The following EYA3 variants were observed in gnomAD, a reference collection of about 807,000 sequenced individuals.
EYA3 encodes the protein protein phosphatase EYA3.
In EYA3, 39 loss-of-function variants were observed where a neutral mutation model predicts 80.0. The ratio of observed to expected loss-of-function variants is 0.49; its 90% CI spans 0.38 to 0.64. The LOEUF (loss-of-function observed/expected upper bound fraction) is 0.64. EYA3 is among the 30% of genes least tolerant of loss of function. EYA3 has a pLI of 0.00. For synonymous variants in EYA3, 206 were observed against 232.8 expected (o/e 0.88, Z 1.05); for missense variants, 523 against 676.1 (o/e 0.77, Z 2.51).
At chr1:27,998,691 C>T (rs894045604) in intron 12 of EYA3, among the ~76,000 whole-genome samples, 7 of 143,616 alleles carry the variant, frequency 4.9e-5, no homozygotes, top group Non-Finnish European at 7.6e-5. Flanking sequence ...CTGGGCAATA[C>T]AGTGAAACCC....
intron 1 of EYA3, among the ~76,000 whole-genome samples, chr1:28,081,498 T>C (rs1645426994): frequency 6.6e-6 from 1 of 152,194 alleles, no homozygotes; most frequent in African/African-American, 2.4e-5. Flanking sequence ...TTATAAGATA[T>C]TTAGGTACTA....
chr1:28,075,078 T>C (rs773539961), intron 1 of EYA3, among the ~76,000 whole-genome samples: 51 of 152,320 alleles, frequency 3.3e-4, no homozygotes, highest in Admixed American at 1.9e-3. Context: ...CCTTTCACAT[T>C]CAGCCAAGCA....
intron 1 of EYA3, among the ~76,000 whole-genome samples, chr1:28,075,746 G>C (rs1168084106): frequency 6.6e-6 from 1 of 152,062 alleles, no homozygotes; most frequent in East Asian, 1.9e-4. Flanking sequence ...CTTCATATTT[G>C]TTTACCTGGA....
At chr1:28,071,042 C>T (rs1645003338) in intron 1 of EYA3, among the ~76,000 whole-genome samples, 1 of 152,212 alleles carries the variant, frequency 6.6e-6, no homozygotes, top group Admixed American at 6.5e-5. Flanking sequence ...CCTACTTCAG[C>T]CTCAGGAGTA....
chr1:28,073,103 T>TTATATATATATATATATATATATATATA (rs201041762), intron 1 of EYA3, among the ~76,000 whole-genome samples: 7 of 37,750 alleles, frequency 1.9e-4, no homozygotes, highest in East Asian at 2.9e-3. Flanking sequence ...GATGAAACTA[T>TTATATATATATATATATATATATATATA]TATATATATA....
At chr1:27,993,326 T>G (rs1448874180) in intron 14 of EYA3, 74 bp downstream of exon 14, 14 of 1,451,960 alleles carry the variant, frequency 9.6e-6, no homozygotes, top group Non-Finnish European at 1.3e-5. Context: ...ATGGGGAATC[T>G]AAGGAATCCC....
chr1:27,989,943 TATATAC>T (rs1189453924), intron 14 of EYA3, 132 bp from the exon 15 acceptor site: 7 of 435,684 alleles, frequency 1.6e-5, no homozygotes, highest in East Asian at 8.0e-5. Context: ...TATATATATA[TATATAC>T]ATATACGTAT....
intron 6 of EYA3, 79 bp from the exon 7 acceptor site, chr1:28,028,005 G>A: frequency 6.7e-7 from 1 of 1,490,552 alleles, no homozygotes; most frequent in Non-Finnish European, 9.2e-7. Context: ...ATATCAGCCA[G>A]TAGGTTTAAA....
chr1:28,083,266 A>C (rs949620837), intron 1 of EYA3, among the ~76,000 whole-genome samples: 1 of 152,232 alleles, frequency 6.6e-6, no homozygotes, highest in African/African-American at 2.4e-5. Context: ...TCACGCCTGT[A>C]ATCTCAGCAC....
intron 2 of EYA3, among the ~76,000 whole-genome samples, chr1:28,055,266 C>T (rs181355145): frequency 6.6e-6 from 1 of 152,150 alleles, no homozygotes; most frequent in Admixed American, 6.5e-5. Flanking sequence ...ATACTCTATT[C>T]TCCAAGTAGA....
chr1:27,993,059 C>T (rs991444017), intron 14 of EYA3, among the ~76,000 whole-genome samples: 1 of 150,602 alleles, frequency 6.6e-6, no homozygotes, highest in Non-Finnish European at 1.5e-5. Flanking sequence ...TTATATAAAC[C>T]AGCCAAAAAA....
chr1:28,073,009 C>T (rs549825879), intron 1 of EYA3, among the ~76,000 whole-genome samples: 1 of 145,232 alleles, frequency 6.9e-6, no homozygotes, highest in South Asian at 2.2e-4. Context: ...ACTACAAGGA[C>T]AGAAAACAGA....
intron 2 of EYA3, among the ~76,000 whole-genome samples, chr1:28,052,554 A>C (rs1430756463): frequency 1.3e-5 from 2 of 152,236 alleles, no homozygotes; most frequent in African/African-American, 2.4e-5. Flanking sequence ...TCGTACCTCA[A>C]GCCATATGCA....
chr1:28,004,899 G>A (rs1329745946), intron 10 of EYA3, among the ~76,000 whole-genome samples: 2 of 152,024 alleles, frequency 1.3e-5, no homozygotes, highest in Non-Finnish European at 2.9e-5. Flanking sequence ...GAAACAAAAA[G>A]TTGGTTCTTT....
rs1475309597 is a variant in EYA3 at position 28,013,868 on chromosome 1, GC to G, written c.586-575del. The stretch of plus-strand genomic sequence containing the variant: ...ACTTGAGGTCAGGAGTTCAAGACCA[GC>G]CTGACCAACATGGTGAAACCCTGTT... On this transcript the variant is annotated intron_variant, in intron 8 of 17. Transcript: ENST00000373871. This position sits in a 1 kb window ranked among gnomAD's most constrained non-coding sequence, Gnocchi z 4.0. 1.3e-5 allele frequency among the ~76,000 whole-genome samples: 2 copies of G among 152,162 alleles called. No homozygotes were observed. The highest frequency in any genetic ancestry group is 4.8e-5 in the African/African-American group (2 of 41,428).
chr1:28,025,837 T>G (rs563393768), intron 7 of EYA3, among the ~76,000 whole-genome samples: 36 of 152,350 alleles, frequency 2.4e-4, no homozygotes, highest in African/African-American at 8.7e-4. Context: ...CTCGGCTCAC[T>G]GCAACCTCCG....
chr1:28,046,187 G>C (rs773909150), intron 3 of EYA3, among the ~76,000 whole-genome samples: 2 of 152,196 alleles, frequency 1.3e-5, no homozygotes, highest in Non-Finnish European at 2.9e-5. Context: ...AGTGATGGTT[G>C]CAAGACAAAG....
At chr1:28,004,623 T>A (rs1641137167) in intron 10 of EYA3, among the ~76,000 whole-genome samples, 1 of 152,042 alleles carries the variant, frequency 6.6e-6, no homozygotes, top group African/African-American at 2.4e-5. Flanking sequence ...AATAAAACAT[T>A]AAATTTGTGG....
chr1:28,025,223 G>A (rs954132297), intron 7 of EYA3, among the ~76,000 whole-genome samples: 4 of 152,072 alleles, frequency 2.6e-5, no homozygotes, highest in African/African-American at 9.7e-5. Context: ...CAGAATAAAT[G>A]GCAAAAATTG....
Sources: gnomAD v4.1 joint callset for allele counts (sites outside exome capture counted in the v4.1 genomes callset) on GRCh38, gnomAD v4.1.1 for gene constraint, Gnocchi (gnomAD v3.1) non-coding constraint, MANE v1.5 for transcripts, NCBI Gene and HGNC (gene_info 2026-07-23, HGNC 2026-07-21) for gene names.